Variants in CYP4X1 observed in about 807,000 individuals in gnomAD.
CYP4X1 encodes cytochrome P450 family 4 subfamily X member 1.
CYP4X1 carries 44 observed loss-of-function variants against 57.9 expected under a neutral mutation model. The ratio of observed to expected loss-of-function variants is 0.76; its 90% confidence interval spans 0.60 to 0.98. The LOEUF (loss-of-function observed/expected upper bound fraction) is 0.98, where lower values mean the gene tolerates loss of function less well. Among genes scored for constraint, CYP4X1 ranks in the 50% least tolerant of loss-of-function variants. The pLI is 0.00. For synonymous variants in CYP4X1, 227 were observed against 228.6 expected, an observed-to-expected ratio of 0.99 and a Z score of 0.06; for missense variants, 532 against 623.9, an observed-to-expected ratio of 0.85 and a Z score of 1.57.
chr1:47,021,600 G>T (rs1643998078), upstream of CYP4X1, among the ~76,000 whole-genome samples: 1 of 152,198 alleles, frequency 6.6e-6, no homozygotes, highest in Non-Finnish European at 1.5e-5. Context: ...AAGCAGAGAA[G>T]GCCTGAACTT....
chr1:46,968,651 T>C, the CYP4X1 span, among the ~76,000 whole-genome samples: 3 of 152,058 alleles, frequency 2.0e-5, no homozygotes, highest in African/African-American at 4.8e-5. Flanking sequence ...GTGCCTAGGA[T>C]AGCACCATGA....
rs1644023862 is a variant in CYP4X1, at chr1:47,023,687, C to G, written c.-131C>G. ...CCCTCCCACTGCCTTTCCTTCTTCC[C>G]GCGAGTCAGAAGCTTCGCGAGGGCC... On this transcript the variant is annotated 5_prime_UTR_variant, in exon 1 of 12. Transcript: ENST00000371901. The G allele has an allele frequency of 7.0e-7, 1 of 1,431,788 alleles. No homozygotes were observed. The highest frequency in any genetic ancestry group is 1.5e-5 in the South Asian group (1 of 66,220). 88.7% of individuals were successfully genotyped at this position (1,431,788 alleles called of 1,614,324 possible).
Position 47,049,289 on chromosome 1 carries a change from A to G in CYP4X1, c.1273-133A>G. 3 of 646,726 alleles carry G rather than the reference A, an allele frequency of 4.6e-6. No individual in the cohort carries two copies. The South Asian group carries it at 8.9e-5, about 19-fold the overall frequency. The allele number at this position is 646,726 out of a possible 1,614,324, so 40.1% of individuals were successfully genotyped here. ...TTAAGATTAACTTCACCTTTTAAAAATGTGACCACCAGAACATTTTAAATT... is the reference window on the plus strand; with the variant it reads ...TTAAGATTAACTTCACCTTTTAAAAGTGTGACCACCAGAACATTTTAAATT... On this transcript the variant is annotated intron_variant, in intron 10 of 11. Transcript: ENST00000371901.
upstream of CYP4X1, among the ~76,000 whole-genome samples, chr1:47,022,648 C>T (rs1353467991): frequency 1.3e-5 from 2 of 151,874 alleles, no homozygotes; most frequent in South Asian, 2.1e-4. Flanking sequence ...GAGAGTGGAG[C>T]GTAGGCTTAA....
At chr1:47,042,916 A>C (rs1644262037) in intron 8 of CYP4X1, among the ~76,000 whole-genome samples, 2 of 152,200 alleles carry the variant, frequency 1.3e-5, no homozygotes. Flanking sequence ...TGCTACAAAC[A>C]TGCAGGTGCA....
chr1:47,027,023 T>A (rs1027495485), intron 1 of CYP4X1, among the ~76,000 whole-genome samples: 25 of 152,208 alleles, frequency 1.6e-4, no homozygotes, highest in Non-Finnish European at 3.4e-4. Context: ...CTTTCTTTAA[T>A]TTTTTTTAAC....
At chr1:47,024,785 GAA>G (rs1234952767) in intron 1 of CYP4X1, among the ~76,000 whole-genome samples, 2 of 152,180 alleles carry the variant, frequency 1.3e-5, no homozygotes, top group Non-Finnish European at 2.9e-5. Context: ...GAGAAGGAAG[GAA>G]AGTCTGTGAA....
the CYP4X1 span, among the ~76,000 whole-genome samples, chr1:46,978,328 TA>T: frequency 2.0e-5 from 3 of 152,064 alleles, no homozygotes; most frequent in Non-Finnish European, 4.4e-5. Flanking sequence ...GTTGCAATCC[TA>T]GTCTCTGAAA....
At chr1:47,020,735 C>T (rs921841285), upstream of CYP4X1, among the ~76,000 whole-genome samples, 2 of 152,194 alleles carry the variant, frequency 1.3e-5, no homozygotes, top group Admixed American at 1.3e-4. Context: ...AGACTTTTAT[C>T]CCCATGGTTC....
At chr1:47,024,218 G>A (rs1196010608) in intron 1 of CYP4X1, among the ~76,000 whole-genome samples, 8 of 152,194 alleles carry the variant, frequency 5.3e-5, no homozygotes, top group Admixed American at 5.2e-4. Context: ...AGGAAGCTTT[G>A]GGGGCTGGGA....
chr1:46,982,306 G>A, the CYP4X1 span, among the ~76,000 whole-genome samples: 10 of 152,146 alleles, frequency 6.6e-5, no homozygotes, highest in East Asian at 1.7e-3. Flanking sequence ...CCTGAATCTC[G>A]ATATTTGATA....
At chr1:47,039,261 C>A in intron 7 of CYP4X1, 81 bp from the exon 8 acceptor site, 2 of 1,290,088 alleles carry the variant, frequency 1.6e-6, no homozygotes, top group Non-Finnish European at 2.1e-6. Flanking sequence ...TGATTTTTCC[C>A]CTCAAATCAT....
intron 1 of CYP4X1, among the ~76,000 whole-genome samples, chr1:47,026,719 G>A (rs945169938): frequency 1.3e-5 from 2 of 150,450 alleles, no homozygotes; most frequent in Non-Finnish European, 3.0e-5. Context: ...TTTTTTTGTT[G>A]TTTTTTTTTG....
the CYP4X1 span, among the ~76,000 whole-genome samples, chr1:47,016,876 G>A: frequency 6.6e-6 from 1 of 152,078 alleles, no homozygotes; most frequent in East Asian, 1.9e-4. Context: ...CCCCCAACTG[G>A]TAATTATCCT....
At chr1:47,048,190 C>T (rs914031070) in intron 9 of CYP4X1, among the ~76,000 whole-genome samples, 1 of 152,066 alleles carries the variant, frequency 6.6e-6, no homozygotes, top group African/African-American at 2.4e-5. Context: ...TCAAGGTTAC[C>T]GTGAGCAATG....
the CYP4X1 span, among the ~76,000 whole-genome samples, chr1:47,005,639 A>G: frequency 6.6e-6 from 1 of 152,260 alleles, no homozygotes; most frequent in Admixed American, 6.5e-5. Flanking sequence ...GAGTGGTCAT[A>G]TATTAAATGA....
intron 3 of CYP4X1, 94 bp from the exon 4 acceptor site, chr1:47,033,147 G>A: frequency 7.2e-7 from 1 of 1,387,184 alleles, no homozygotes; most frequent in Non-Finnish European, 9.8e-7. Context: ...GACTGCCTGT[G>A]GGTCATGGTT....
At chr1:46,995,246 G>T in the CYP4X1 span, among the ~76,000 whole-genome samples, 2 of 152,028 alleles carry the variant, frequency 1.3e-5, no homozygotes, top group Non-Finnish European at 2.9e-5. Context: ...ATAGATTTAA[G>T]TCATTCTTTC....
the CYP4X1 span, among the ~76,000 whole-genome samples, chr1:47,008,862 A>G: frequency 1.3e-5 from 2 of 152,216 alleles, no homozygotes; most frequent in African/African-American, 2.4e-5. Context: ...ATACAACAAG[A>G]AGAGCTAACT....
Sources: gnomAD v4.1 joint callset for allele counts (sites outside exome capture counted in the v4.1 genomes callset) on GRCh38, gnomAD v4.1.1 for gene constraint, MANE v1.5 for transcripts, NCBI Gene and HGNC (gene_info 2026-07-23, HGNC 2026-07-21) for gene names.